The following FSCB variants were observed in gnomAD, a reference collection of about 807,000 sequenced individuals.
The protein encoded by FSCB is fibrous sheath CABYR-binding protein.
For missense variants in FSCB, 975 were observed against 934.8 expected (o/e 1.04, Z -0.56); for synonymous variants, 331 against 336.6 (o/e 0.98, Z 0.18).
In FSCB at chr14:44,504,398, G is replaced by T; in HGVS notation, c.*112C>A. ...TCCAACCTGTATTCCAAGTCTTGGGGTCCCCTTTAATTTGCCTTATTGACA... is the reference window on the plus strand; with the variant it reads ...TCCAACCTGTATTCCAAGTCTTGGGTTCCCCTTTAATTTGCCTTATTGACA... On this transcript the variant is annotated 3_prime_UTR_variant, in exon 1 of 1. Coordinates refer to ENST00000340446, the MANE Select transcript of FSCB (RefSeq NM_032135.4). 8.9e-6 allele frequency: 6 copies of T among 675,266 alleles called. No individual in the cohort carries two copies. The highest frequency in any genetic ancestry group is 2.6e-5 in the South Asian group (1 of 38,224). The allele number at this position is 675,266 out of a possible 1,614,324, so 41.8% of individuals were successfully genotyped here. A position where few individuals can be genotyped will look rare whatever the true frequency, so the allele number is the denominator to read the frequency against.
Position 44,507,132 on chromosome 14 carries a change from C to G in FSCB, c.-145G>C, listed in dbSNP as rs1881116505. The G allele has an allele frequency of 3.0e-6, 2 of 674,054 alleles. No individual in the cohort carries two copies. The highest frequency in any genetic ancestry group is 5.3e-5 in the East Asian group (2 of 38,074). 41.8% of individuals were successfully genotyped at this position (674,054 alleles called of 1,614,324 possible). On this transcript the variant is annotated 5_prime_UTR_variant, in exon 1 of 1. Transcript: ENST00000340446. Reference sequence around the variant, plus strand: ...TAATGACCAAAAATCACAAACGTACCAAGTGTCAAAGACTTTCCCTTTCTT... The same window carrying G: ...TAATGACCAAAAATCACAAACGTACGAAGTGTCAAAGACTTTCCCTTTCTT...
rs778850266 is a variant in FSCB at position 44,504,791 on chromosome 14, C to G, written c.2197G>C (p.Glu733Gln). 4 of 1,614,224 alleles carry G rather than the reference C, an allele frequency of 2.5e-6. No homozygotes were observed. The South Asian group carries it at 3.3e-5, about 13-fold the overall frequency. The change falls in exon 1 of 1, where the codon GAG becomes CAG. Residue 733 changes from glutamate (E) to glutamine (Q), a missense_variant. Transcript: ENST00000340446. ...LLLTEEFPIGEASAEVSPPPS... is the reference protein window; with the variant it reads ...LLLTEEFPIGQASAEVSPPPS... ...GGAGGTGAAACTTCAGCAGAGGCCT[C>G]TCCTATAGGAAACTCCTCAGTCAGA... is the stretch of plus-strand genomic sequence containing the variant.
chr14:44,506,402 G>A lies in FSCB; in HGVS notation c.586C>T (p.Pro196Ser). The stretch of plus-strand genomic sequence containing the variant: ...CTGTTTGTTGCTGGTTGAAATTCAG[G>A]GTGTTCACTAGCAAAAATCTTTCCC... ...SSGKIFASEH[P>S]EFQPATNSNE... The change falls in exon 1 of 1, where the codon CCT becomes TCT. Residue 196 changes from proline to serine, a missense_variant. By Grantham distance (74) the Pro-to-Ser change is moderately conservative. Transcript: ENST00000340446. 1 of 1,613,968 alleles carries A rather than the reference G, an allele frequency of 6.2e-7. No homozygotes were observed. Among genetic ancestry groups the A allele is most frequent in the Non-Finnish European group, 8.5e-7 (1 of 1,180,028 alleles).
chr14:44,507,184 G>GAAAAAA lies in FSCB; in HGVS notation c.-203_-198dup. Reference sequence around the variant, plus strand: ...GGTGTCATTCTGTTGAGCTCCCTCAGAAAAAAAGTAATTCATAAGCTATTG... The same window carrying GAAAAAA: ...GGTGTCATTCTGTTGAGCTCCCTCAGAAAAAAAAAAAAAGTAATTCATAAGCTATTG... On this transcript the variant is annotated 5_prime_UTR_variant, in exon 1 of 1. Transcript: ENST00000340446. 1.9e-6 allele frequency: 1 copy of GAAAAAA among 517,882 alleles called. No individual in the cohort carries two copies. Among genetic ancestry groups the GAAAAAA allele is most frequent in the Non-Finnish European group, 3.5e-6 (1 of 287,368 alleles). 32.1% of individuals were successfully genotyped at this position (517,882 alleles called of 1,614,324 possible).
Position 44,505,939 on chromosome 14 carries a change from A to T in FSCB, c.1049T>A (p.Ile350Asn). 1 of 1,613,150 alleles carries T rather than the reference A, an allele frequency of 6.2e-7. No individual in the cohort carries two copies. Among genetic ancestry groups the T allele is most frequent in the Admixed American group, 1.7e-5 (1 of 60,004 alleles). ...ESPSVELLAE[I>N]LPPSAEESPS... The stretch of plus-strand genomic sequence containing the variant: ...GGACTCTTCAGCTGATGGAGGCAGA[A>T]TTTCAGCCAGAAGCTCTACAGAAGG... Residue 350 changes from isoleucine (I) to asparagine (N), a missense_variant, in exon 1 of 1, where the codon ATT becomes AAT. Transcript: ENST00000340446.
Position 44,506,851 on chromosome 14 carries a change from T to C in FSCB, c.137A>G (p.Tyr46Cys), listed in dbSNP as rs764168539. 5.9e-5 allele frequency: 96 copies of C among 1,613,848 alleles called. No individual in the cohort carries two copies. The Admixed American group carries it at 1.4e-3, about 24-fold the overall frequency. ...GSKGSYSAKA[Y>C]ESIRVSSELQ... ...CTCAGAAGATACTCTAATAGACTCA[T>C]AGGCTTTGGCAGAGTAGCTGCCTTT... The change falls in exon 1 of 1, where the codon TAT becomes TGT. Residue 46 changes from tyrosine to cysteine, a missense_variant. Physicochemically the swap from Tyr to Cys is radical, Grantham distance 194. Transcript: ENST00000340446.
At position 44,505,746 on chromosome 14, in the gene FSCB, A is replaced by G; in HGVS notation, c.1242T>C (p.Pro414=). 6.2e-7 allele frequency: 1 copy of G among 1,613,606 alleles called. No homozygotes were observed. The highest frequency in any genetic ancestry group is 1.1e-5 in the South Asian group (1 of 91,046). The change falls in exon 1 of 1, where the codon CCT becomes CCC. Residue 414 remains proline (P), a synonymous_variant. Coordinates refer to ENST00000340446, the MANE Select transcript of FSCB (RefSeq NM_032135.4). ...CAGCAAGGGTCTCTTCAACAGTGGG[A>G]GGCTCTACTTTAGCTGGGGCCTCTT... ...ALEEAPAKVE[P]PTVEETLADV...
In FSCB at chr14:44,504,585, A is replaced by G. The variant is rs200230282; in HGVS notation, c.2403T>C (p.Asn801=). 4.3e-6 allele frequency: 7 copies of G among 1,614,150 alleles called. No homozygotes were observed. The change falls in exon 1 of 1, where the codon AAT becomes AAC. Residue 801 remains asparagine, a synonymous_variant. Coordinates refer to ENST00000340446, the MANE Select transcript of FSCB (RefSeq NM_032135.4). ...TTTCAAGAGTGGGAGCCTGTCCATC[A>G]TTGGTATTAGACAAATCTTTAAGGA... ...NSVLKDLSNT[N]DGQAPTLEIE...
In FSCB at chr14:44,505,965, A is replaced by T; in HGVS notation, c.1023T>A (p.Ser341=). ...TTTCAGCCAGAAGCTCTACAGAAGGAGACTCTTCAGCTGATGGAGGCTGAA... is the reference window on the plus strand; with the variant it reads ...TTTCAGCCAGAAGCTCTACAGAAGGTGACTCTTCAGCTGATGGAGGCTGAA... ...AEIQPPSAEE[S]PSVELLAEIL... is the part of the protein sequence containing the mutation. Residue 341 remains serine (S), a synonymous_variant, in exon 1 of 1, where the codon TCT becomes TCA. Transcript: ENST00000340446. The T allele has an allele frequency of 6.2e-7, 1 of 1,613,222 alleles. No individual in the cohort carries two copies. The highest frequency in any genetic ancestry group is 8.5e-7 in the Non-Finnish European group (1 of 1,179,334).
rs540238458 is a variant in FSCB, at chr14:44,505,802, C to G, written c.1186G>C (p.Val396Leu). The G allele has an allele frequency of 1.1e-5, 18 of 1,614,032 alleles. No individual in the cohort carries two copies. In the South Asian group the frequency reaches 2.0e-4, roughly 18 times the overall value. ...SPSAQKAPIE[V>L]QPLPAEGALE... ...GCGCCCTCAGCTGGTAAAGGCTGTACTTCAATGGGAGCCTTTTGTGCTGAG... is the reference window on the plus strand; with the variant it reads ...GCGCCCTCAGCTGGTAAAGGCTGTAGTTCAATGGGAGCCTTTTGTGCTGAG... Residue 396 changes from valine to leucine, a missense_variant, in exon 1 of 1, where the codon GTA (valine) becomes CTA (leucine). Val to Leu is a conservative substitution (Grantham distance 32). Transcript: ENST00000340446.
chr14:44,507,099 T>C lies in FSCB; in HGVS notation c.-112A>G. 1.1e-6 allele frequency: 1 copy of C among 874,124 alleles called. No homozygotes were observed. Among genetic ancestry groups the C allele is most frequent in the Non-Finnish European group, 1.8e-6 (1 of 570,944 alleles). The allele number at this position is 874,124 out of a possible 1,614,324, so 54.1% of individuals were successfully genotyped here. On this transcript the variant is annotated 5_prime_UTR_variant, in exon 1 of 1. Transcript: ENST00000340446. Reference sequence around the variant, plus strand: ...AGAGTAGTGATTTCAAACTTATTAATTTTCAAGTAATGACCAAAAATCACA... The same window carrying C: ...AGAGTAGTGATTTCAAACTTATTAACTTTCAAGTAATGACCAAAAATCACA...
chr14:44,505,175 C>G lies in FSCB; in HGVS notation c.1813G>C (p.Glu605Gln). ...LLAATEASAE[E>Q]APAEVQPPPA... Reference sequence around the variant, plus strand: ...GGAGGCTGAACTTCAGCAGGAGCCTCTTCTGCAGAAGCCTCTGTAGCTGCT... The same window carrying G: ...GGAGGCTGAACTTCAGCAGGAGCCTGTTCTGCAGAAGCCTCTGTAGCTGCT... Residue 605 changes from glutamate to glutamine, a missense_variant, in exon 1 of 1, where the codon GAG (glutamate) becomes CAG (glutamine). By Grantham distance (29) the Glu-to-Gln change is conservative. Coordinates refer to ENST00000340446, the MANE Select transcript of FSCB (RefSeq NM_032135.4). The G allele has an allele frequency of 6.2e-7, 1 of 1,612,100 alleles. No homozygotes were observed. The highest frequency in any genetic ancestry group is 8.5e-7 in the Non-Finnish European group (1 of 1,179,972).
Position 44,506,371 on chromosome 14 carries a change from T to G in FSCB, c.617A>C (p.Glu206Ala). ...GCTGATATTTTTCTGCCCAATTTCT[T>G]CATTGCTGTTTGTTGCTGGTTGAAA... is the stretch of plus-strand genomic sequence containing the variant. ...PEFQPATNSN[E>A]EIGQKNISRT... The change falls in exon 1 of 1, where the codon GAA (glutamate) becomes GCA (alanine). Residue 206 changes from glutamate to alanine, a missense_variant. Coordinates refer to ENST00000340446, the MANE Select transcript of FSCB (RefSeq NM_032135.4). The G allele has an allele frequency of 6.2e-7, 1 of 1,614,194 alleles. No homozygotes were observed. The highest frequency in any genetic ancestry group is 2.2e-5 in the East Asian group (1 of 44,888).
chr14:44,505,243 T>G lies in FSCB; in HGVS notation c.1745A>C (p.Glu582Ala), dbSNP rs766274427. The G allele has an allele frequency of 6.2e-7, 1 of 1,612,890 alleles. No individual in the cohort carries two copies. The highest frequency in any genetic ancestry group is 8.5e-7 in the Non-Finnish European group (1 of 1,179,824). The change falls in exon 1 of 1, where the codon GAA (glutamate) becomes GCA (alanine). Residue 582 changes from glutamate (E) to alanine (A), a missense_variant. Glu to Ala is a moderately radical substitution (Grantham distance 107, BLOSUM62 -1). Transcript: ENST00000340446. ...AGAGGCCTCTTCTGCAGTGGTCTCT[T>G]CACCTGATGGAGGCTGAAGCTCAAG... ...APLELQPPSG[E>A]ETTAEEASAA... is the part of the protein sequence containing the mutation.
At position 44,505,402 on chromosome 14, in the gene FSCB, G is replaced by A. The variant is rs920547359; in HGVS notation, c.1586C>T (p.Ala529Val). The part of the protein sequence containing the change: ...EEASAEIQLL[A>V]AIEAPADETP... Reference sequence around the variant, plus strand: ...TTCATCTGCAGGAGCCTCTATAGCTGCTAGAAGCTGAATTTCAGCAGAGGC... The same window carrying A: ...TTCATCTGCAGGAGCCTCTATAGCTACTAGAAGCTGAATTTCAGCAGAGGC... Residue 529 changes from alanine (A) to valine (V), a missense_variant, in exon 1 of 1, where the codon GCA becomes GTA. Coordinates refer to ENST00000340446, the MANE Select transcript of FSCB (RefSeq NM_032135.4). 15 of 1,612,474 alleles carry A rather than the reference G, an allele frequency of 9.3e-6. No individual in the cohort carries two copies. Among genetic ancestry groups the A allele is most frequent in the African/African-American group, 1.3e-5 (1 of 74,986 alleles).
In FSCB at chr14:44,505,715, G is replaced by T. The variant is rs769008897; in HGVS notation, c.1273C>A (p.Gln425Lys). ...PTVEETLADV[Q>K]PLLPEEAPRE... ...GGAGCCTCTTCAGGTAATAGAGGCT[G>T]AACATCAGCAAGGGTCTCTTCAACA... The change falls in exon 1 of 1, where the codon CAG becomes AAG. Residue 425 changes from glutamine (Q) to lysine (K), a missense_variant. Physicochemically the swap from Gln to Lys is moderately conservative, Grantham distance 53. Transcript: ENST00000340446. The T allele has an allele frequency of 2.5e-6, 4 of 1,613,592 alleles. No individual in the cohort carries two copies. Among genetic ancestry groups the T allele is most frequent in the Non-Finnish European group, 3.4e-6 (4 of 1,179,932 alleles).
Position 44,504,429 on chromosome 14 carries a change from A to T in FSCB, c.*81T>A. On this transcript the variant is annotated 3_prime_UTR_variant, in exon 1 of 1. Transcript: ENST00000340446. ...TTTAATTTGCCTTATTGACAAAGCT[A>T]CTTCCCGCTGCCCACCCTTTTCTAA... The T allele has an allele frequency of 9.0e-7, 1 of 1,109,658 alleles. No individual in the cohort carries two copies. The highest frequency in any genetic ancestry group is 1.3e-6 in the Non-Finnish European group (1 of 778,768). 68.7% of individuals were successfully genotyped at this position (1,109,658 alleles called of 1,614,324 possible).
chr14:44,506,252 C>T lies in FSCB; in HGVS notation c.736G>A (p.Gly246Ser). The T allele has an allele frequency of 6.2e-7, 1 of 1,614,156 alleles. No individual in the cohort carries two copies. Among genetic ancestry groups the T allele is most frequent in the Non-Finnish European group, 8.5e-7 (1 of 1,180,018 alleles). The change falls in exon 1 of 1, where the codon GGT becomes AGT. Residue 246 changes from glycine (G) to serine (S), a missense_variant. Gly to Ser is a moderately conservative substitution (Grantham distance 56). Transcript: ENST00000340446. ...EEVTVPVVQE[G>S]SAVKKVASAE... ...GAAGCCACTTTTTTAACAGCAGAAC[C>T]TTCTTGTACAACAGGTACAGTTACT...
At position 44,506,998 on chromosome 14, in the gene FSCB, G is replaced by C; in HGVS notation, c.-11C>G. On this transcript the variant is annotated 5_prime_UTR_variant, in exon 1 of 1. Transcript: ENST00000340446. ...GGATTTGCCTACCATTGGTTTGCTG[G>C]GTCATCTTCTCTTTCGAATTTCTTG... 1 of 1,552,248 alleles carries C rather than the reference G, an allele frequency of 6.4e-7. No individual in the cohort carries two copies. The highest frequency in any genetic ancestry group is 8.7e-7 in the Non-Finnish European group (1 of 1,146,524).
Sources: allele counts gnomAD v4.1 joint callset, GRCh38; gene constraint gnomAD v4.1.1; transcripts MANE v1.5; gene names NCBI Gene and HGNC (gene_info 2026-07-23, HGNC 2026-07-21).